SNX18: variants seen among roughly 807,000 people sequenced by gnomAD.
SNX18 encodes sorting nexin-18.
In SNX18, 35 loss-of-function variants were observed where a neutral mutation model predicts 48.7. The observed-to-expected ratio is 0.72, with a 90% confidence interval of 0.55 to 0.95. The LOEUF is 0.95. SNX18 is among the 40% of genes least tolerant of loss of function. The pLI is 0.00. For missense variants in SNX18, 824 were observed against 871.0 expected, an observed-to-expected ratio of 0.95 and a Z score of 0.68; for synonymous variants, 492 against 384.7, an observed-to-expected ratio of 1.28 and a Z score of -3.26.
chr5:54,616,888 T>C, the SNX18 span, among the ~76,000 whole-genome samples: 1 of 152,342 alleles, frequency 6.6e-6, no homozygotes, highest in African/African-American at 2.4e-5. Context: ...GCAAGGTAAC[T>C]GTGGGGTTTC....
chr5:54,579,008 A>G, the SNX18 span, among the ~76,000 whole-genome samples: 3 of 152,274 alleles, frequency 2.0e-5, 1 homozygote, highest in African/African-American at 7.2e-5. Flanking sequence ...AAGTTTGTTC[A>G]TCTTTCCTAA....
Position 54,518,233 on chromosome 5 carries a change from C to G in SNX18, c.281C>G (p.Pro94Arg), listed in dbSNP as rs1239689851. The G allele has an allele frequency of 1.4e-6, 2 of 1,433,654 alleles. No individual in the cohort carries two copies. The highest frequency in any genetic ancestry group is 1.8e-6 in the Non-Finnish European group (2 of 1,101,782). The allele number at this position is 1,433,654 out of a possible 1,614,324, so 88.8% of individuals were successfully genotyped here. A position where few individuals can be genotyped will look rare whatever the true frequency, so the allele number is the denominator to read the frequency against. The change falls in exon 1 of 2, where the codon CCC becomes CGC. Residue 94 changes from proline (P) to arginine (R), a missense_variant. This residue lies in a region of SNX18 where 377 missense variants were observed against 350.6 expected (regional missense o/e 1.08). Transcript: ENST00000381410. ...TTCGAGCCCCTGCCTGTCGCGCCCC[C>G]CGCCTCCTTCAAGCCGCCGCCTGAC... ...GGFEPLPVAP[P>R]ASFKPPPDAF... is the part of the protein sequence containing the mutation.
At chr5:54,596,947 G>A in the SNX18 span, among the ~76,000 whole-genome samples, 1 of 152,130 alleles carries the variant, frequency 6.6e-6, no homozygotes, top group African/African-American at 2.4e-5. Context: ...AGGATGTACT[G>A]ACACGAAGTG....
At chr5:54,637,748 C>T in the SNX18 span, among the ~76,000 whole-genome samples, 1 of 151,782 alleles carries the variant, frequency 6.6e-6, no homozygotes, top group Non-Finnish European at 1.5e-5. Flanking sequence ...ATAACAACTC[C>T]GTGGGGTGAG....
At chr5:54,531,347 G>T (rs1041175822) in intron 1 of SNX18, among the ~76,000 whole-genome samples, 2 of 152,164 alleles carry the variant, frequency 1.3e-5, no homozygotes, top group Non-Finnish European at 2.9e-5. Context: ...GAAGAGGTAG[G>T]CAGACTGAGA....
At chr5:54,560,271 A>G in the SNX18 span, among the ~76,000 whole-genome samples, 1 of 152,386 alleles carries the variant, frequency 6.6e-6, no homozygotes, top group Admixed American at 6.5e-5. Context: ...TGTTGTACAT[A>G]CACACCGTAG....
chr5:54,563,200 A>C, the SNX18 span, among the ~76,000 whole-genome samples: 1 of 152,218 alleles, frequency 6.6e-6, no homozygotes, highest in Non-Finnish European at 1.5e-5. Flanking sequence ...AAATAAGTTT[A>C]GTGTAGTCTA....
At chr5:54,548,530 C>T (rs941125969), downstream of SNX18, among the ~76,000 whole-genome samples, 8 of 152,340 alleles carry the variant, frequency 5.3e-5, no homozygotes, top group African/African-American at 1.9e-4. Flanking sequence ...AGTTGCTCCA[C>T]TCTCTGACCT....
intron 1 of SNX18, among the ~76,000 whole-genome samples, chr5:54,537,345 T>G (rs947482278): frequency 6.6e-6 from 1 of 152,234 alleles, no homozygotes; most frequent in Non-Finnish European, 1.5e-5. Context: ...CAGCCGCTTT[T>G]TAAATCTCTA....
the SNX18 span, among the ~76,000 whole-genome samples, chr5:54,618,934 A>C: frequency 6.6e-6 from 1 of 150,678 alleles, no homozygotes; most frequent in Non-Finnish European, 1.5e-5. Context: ...CGAGTTTAAT[A>C]TCTGAAAAGT....
chr5:54,559,068 C>G, the SNX18 span, among the ~76,000 whole-genome samples: 2 of 151,706 alleles, frequency 1.3e-5, no homozygotes, highest in South Asian at 4.2e-4. Flanking sequence ...GAAAAGAAAT[C>G]AGAGATGATG....
the SNX18 span, among the ~76,000 whole-genome samples, chr5:54,628,347 C>A: frequency 6.6e-6 from 1 of 152,302 alleles, no homozygotes; most frequent in African/African-American, 2.4e-5. Context: ...AAGCCCACTG[C>A]ACTATTCTTC....
chr5:54,583,337 C>G, the SNX18 span, among the ~76,000 whole-genome samples: 2 of 152,206 alleles, frequency 1.3e-5, no homozygotes, highest in African/African-American at 4.8e-5. Flanking sequence ...ATTTGACAAA[C>G]ACCTACTGAA....
the SNX18 span, among the ~76,000 whole-genome samples, chr5:54,588,724 T>C: frequency 3.3e-5 from 5 of 152,164 alleles, no homozygotes; most frequent in Non-Finnish European, 7.3e-5. Context: ...TCACATTGGG[T>C]AACAGTACTG....
chr5:54,610,673 G>A, the SNX18 span, among the ~76,000 whole-genome samples: 8 of 152,190 alleles, frequency 5.3e-5, no homozygotes, highest in African/African-American at 7.2e-5. Flanking sequence ...AAATAACCAC[G>A]AATGTTTATT....
chr5:54,583,994 G>GTGGC, the SNX18 span, among the ~76,000 whole-genome samples: 1 of 151,958 alleles, frequency 6.6e-6, no homozygotes, highest in Non-Finnish European at 1.5e-5. Flanking sequence ...CTGCCTTGCA[G>GTGGC]TGGCTCCTCA....
chr5:54,564,853 C>T, the SNX18 span, among the ~76,000 whole-genome samples: 1 of 152,182 alleles, frequency 6.6e-6, no homozygotes, highest in Admixed American at 6.5e-5. Context: ...GAGACTCCGT[C>T]TCAAAAAACA....
At chr5:54,561,504 A>ATTTTTTTTTTTTTTTTTTTT in the SNX18 span, among the ~76,000 whole-genome samples, 8 of 133,020 alleles carry the variant, frequency 6.0e-5, no homozygotes, top group African/African-American at 2.3e-4. Flanking sequence ...CGCCCAGCTA[A>ATTTTTTTTTTTTTTTTTTTT]TTTTTTTTTT....
chr5:54,608,465 G>A, the SNX18 span, among the ~76,000 whole-genome samples: 3 of 151,912 alleles, frequency 2.0e-5, no homozygotes, highest in South Asian at 6.2e-4. Context: ...TGAACTCCTG[G>A]GCTCAAGTAA....
Sources: gnomAD v4.1 joint callset for allele counts (sites outside exome capture counted in the v4.1 genomes callset) on GRCh38, gnomAD v4.1.1 for gene constraint, gnomAD v4.1.1 regional missense constraint, MANE v1.5 for transcripts, NCBI Gene and HGNC (gene_info 2026-07-23, HGNC 2026-07-21) for gene names.